Variants in ACTR3C observed in about 807,000 individuals in gnomAD.
The protein encoded by ACTR3C is actin-related protein 3C.
In ACTR3C, 18 loss-of-function variants were observed where a neutral mutation model predicts 26.3. That is an observed-to-expected ratio of 0.68 (90% CI 0.47 to 1.01). The LOEUF (loss-of-function observed/expected upper bound fraction) is 1.01. Ranked by LOEUF, ACTR3C falls within the 50% of genes least tolerant of loss-of-function variation. The pLI is 0.00. For synonymous variants in ACTR3C, 55 were observed against 94.5 expected, an observed-to-expected ratio of 0.58 and a Z score of 2.42; for missense variants, 184 against 250.7, an observed-to-expected ratio of 0.73 and a Z score of 1.80.
At chr7:150,105,848 T>G in the ACTR3C span, among the ~76,000 whole-genome samples, 1 of 152,020 alleles carries the variant, frequency 6.6e-6, no homozygotes, top group Admixed American at 6.6e-5. Flanking sequence ...AACTTATCTG[T>G]AGGGACATTT....
intron 6 of ACTR3C, among the ~76,000 whole-genome samples, chr7:150,250,323 C>T (rs936503886): frequency 1.3e-5 from 2 of 151,008 alleles, no homozygotes; most frequent in Non-Finnish European, 2.9e-5. Flanking sequence ...CCTGCCTCAG[C>T]CTCCCGAGTA....
At chr7:150,068,845 T>A in the ACTR3C span, among the ~76,000 whole-genome samples, 1 of 147,080 alleles carries the variant, frequency 6.8e-6, no homozygotes, top group African/African-American at 2.5e-5. Flanking sequence ...TTAGCAAGGA[T>A]ACCCAATGAT....
the ACTR3C span, among the ~76,000 whole-genome samples, chr7:149,918,612 C>A: frequency 1.8e-3 from 270 of 152,298 alleles, 1 homozygote; most frequent in Non-Finnish European, 2.2e-3. Flanking sequence ...ATTGCTTGAA[C>A]CCAGGAGGCG....
chr7:150,160,649 T>C, the ACTR3C span, among the ~76,000 whole-genome samples: 1 of 152,178 alleles, frequency 6.6e-6, no homozygotes, highest in East Asian at 1.9e-4. Flanking sequence ...ACCAATTATA[T>C]GGAAGGCATT....
chr7:150,039,729 C>G, the ACTR3C span, among the ~76,000 whole-genome samples: 97 of 132,658 alleles, frequency 7.3e-4, 3 homozygotes, highest in East Asian at 0.02. Flanking sequence ...TCAGTCCCCA[C>G]CCTCGCGGGG....
At chr7:150,220,243 A>T in the ACTR3C span, among the ~76,000 whole-genome samples, 1 of 147,710 alleles carries the variant, frequency 6.8e-6, no homozygotes, top group Non-Finnish European at 1.5e-5. Context: ...CGGGTCTCTT[A>T]CCTTGTGGCC....
At chr7:150,197,561 C>T in the ACTR3C span, among the ~76,000 whole-genome samples, 2 of 152,170 alleles carry the variant, frequency 1.3e-5, no homozygotes, top group African/African-American at 4.8e-5. Context: ...TCCAGCTCTT[C>T]CTGAGCAGAA....
chr7:149,983,948 C>T, the ACTR3C span, among the ~76,000 whole-genome samples: 1 of 151,936 alleles, frequency 6.6e-6, no homozygotes, highest in South Asian at 2.1e-4. Context: ...AGGTGCTTGC[C>T]AGGGGCTTGG....
chr7:150,040,224 G>A, the ACTR3C span, among the ~76,000 whole-genome samples: 1 of 147,982 alleles, frequency 6.8e-6, no homozygotes, highest in East Asian at 2.0e-4. Flanking sequence ...CTAATAGGGG[G>A]GCCATCCTTT....
At chr7:150,053,635 G>A in the ACTR3C span, among the ~76,000 whole-genome samples, 1 of 152,226 alleles carries the variant, frequency 6.6e-6, no homozygotes, top group Non-Finnish European at 1.5e-5. Context: ...TGACTTCAAA[G>A]CAACAGCGAA....
At chr7:150,039,813 C>T in the ACTR3C span, among the ~76,000 whole-genome samples, 30 of 128,326 alleles carry the variant, frequency 2.3e-4, no homozygotes, top group Admixed American at 1.4e-3. Flanking sequence ...GTCCCTGCCT[C>T]GCGGGGGGTG....
At chr7:150,266,817 A>G (rs1188182747) in intron 6 of ACTR3C, among the ~76,000 whole-genome samples, 1 of 152,252 alleles carries the variant, frequency 6.6e-6, no homozygotes, top group African/African-American at 2.4e-5. Context: ...AGTACAGGAA[A>G]AGACAGTCAA....
the ACTR3C span, among the ~76,000 whole-genome samples, chr7:150,010,834 G>A: frequency 6.8e-6 from 1 of 148,034 alleles, no homozygotes; most frequent in African/African-American, 2.5e-5. Flanking sequence ...AACAGAATGA[G>A]AAAGGGGTTG....
At chr7:150,277,241 A>T (rs1025078972) in intron 6 of ACTR3C, among the ~76,000 whole-genome samples, 1 of 152,172 alleles carries the variant, frequency 6.6e-6, no homozygotes, top group African/African-American at 2.4e-5. Flanking sequence ...CTGTAATTCC[A>T]GCACTTTGGG....
chr7:150,188,191 T>C, the ACTR3C span, among the ~76,000 whole-genome samples: 1 of 152,224 alleles, frequency 6.6e-6, no homozygotes, highest in Non-Finnish European at 1.5e-5. Flanking sequence ...TTCCAGAACA[T>C]TATATAAATG....
At chr7:150,150,001 A>G in the ACTR3C span, among the ~76,000 whole-genome samples, 1 of 152,150 alleles carries the variant, frequency 6.6e-6, no homozygotes, top group African/African-American at 2.4e-5. Flanking sequence ...TGATTTGTAC[A>G]ATGAAATGCA....
intron 1 of ACTR3C, among the ~76,000 whole-genome samples, chr7:150,298,001 G>A (rs1795082044): frequency 6.6e-6 from 1 of 151,470 alleles, no homozygotes; most frequent in Non-Finnish European, 1.5e-5. Flanking sequence ...CTCTTACAGT[G>A]AAATCAAAAG....
At chr7:150,127,191 A>G in the ACTR3C span, among the ~76,000 whole-genome samples, 31 of 140,940 alleles carry the variant, frequency 2.2e-4, no homozygotes, top group African/African-American at 7.7e-4. Context: ...CACACACACG[A>G]GCGATGGTGA....
the ACTR3C span, among the ~76,000 whole-genome samples, chr7:149,985,207 AACACACACACACAC>A: frequency 6.1e-4 from 80 of 130,848 alleles, no homozygotes; most frequent in Middle Eastern, 4.0e-3. Context: ...CAAACAAAGC[AACACACACACACAC>A]ACACACACAC....
Sources: allele counts gnomAD v4.1 joint callset (sites outside exome capture counted in the v4.1 genomes callset), GRCh38; gene constraint gnomAD v4.1.1; transcripts MANE v1.5; gene names NCBI Gene and HGNC (gene_info 2026-07-23, HGNC 2026-07-21).